BICDL1: variants seen among roughly 807,000 people sequenced by gnomAD.
BICDL1 encodes BICD family-like cargo adapter 1.
BICDL1 carries 20 observed loss-of-function variants against 76.8 expected under a neutral mutation model. The observed-to-expected ratio is 0.26, with a 90% CI of 0.18 to 0.38. BICDL1 has a LOEUF of 0.38. Ranked by LOEUF, BICDL1 falls within the 10% of genes least tolerant of loss-of-function variation. The pLI is 1.00. For synonymous variants in BICDL1, 383 were observed against 337.1 expected (o/e 1.14, Z -1.49); for missense variants, 700 against 798.6 (o/e 0.88, Z 1.49).
intron 1 of BICDL1, among the ~76,000 whole-genome samples, chr12:119,996,072 C>A (rs960267532): frequency 6.6e-6 from 1 of 151,924 alleles, no homozygotes; most frequent in Non-Finnish European, 1.5e-5. Flanking sequence ...ATGAGAAGGC[C>A]CTCCCTTGTC....
intron 2 of BICDL1, among the ~76,000 whole-genome samples, chr12:120,051,980 T>G (rs2393570): frequency 0.32 from 48,986 of 151,788 alleles, 9,955 homozygotes; most frequent in African/African-American, 0.57. Context: ...TCGCTGTGTT[T>G]CCCAGGCTGG....
chr12:120,002,604 C>G (rs890256466), intron 2 of BICDL1, among the ~76,000 whole-genome samples: 1 of 152,188 alleles, frequency 6.6e-6, no homozygotes, highest in African/African-American at 2.4e-5. Context: ...AAAGACTAAC[C>G]TGCATTCTAT....
At position 120,079,213 on chromosome 12, in the gene BICDL1, G is replaced by A. The variant is rs1217736920; in HGVS notation, c.1453-1674G>A. On this transcript the variant is annotated intron_variant, in intron 7 of 9. Transcript: ENST00000548673. This position sits in a 1 kb window ranked among gnomAD's most constrained non-coding sequence, Gnocchi z 4.3. The stretch of plus-strand genomic sequence containing the variant: ...CCATTGCTTATGGTGGCAACAGATT[G>A]TCCTTCTGTCCCTCTTCACTGTTGG... Among the ~76,000 whole-genome samples the A allele has an allele frequency of 2.0e-5, 3 of 152,212 alleles. No homozygotes were observed. The highest frequency in any genetic ancestry group is 4.8e-5 in the African/African-American group (2 of 41,454).
chr12:120,077,269 G>A (rs955242428), intron 7 of BICDL1, among the ~76,000 whole-genome samples: 3 of 152,206 alleles, frequency 2.0e-5, no homozygotes, highest in Admixed American at 6.5e-5. Context: ...ACCCAGACCC[G>A]AAGACTTGCT....
At chr12:120,035,211 C>T (rs1594145884) in intron 2 of BICDL1, among the ~76,000 whole-genome samples, 1 of 152,144 alleles carries the variant, frequency 6.6e-6, no homozygotes, top group Non-Finnish European at 1.5e-5. Context: ...TGGTGCACGC[C>T]TGTAATTCCA....
chr12:119,989,984 C>T lies in BICDL1; in HGVS notation c.116C>T (p.Ala39Val). The change falls in exon 1 of 10, where the codon GCC (alanine) becomes GTC (valine). Residue 39 changes from alanine (A) to valine (V), a missense_variant. This residue lies in a region of BICDL1 where 225 missense variants were observed against 199.6 expected (regional missense o/e 1.13). Coordinates refer to ENST00000548673, the MANE Select transcript of BICDL1 (RefSeq NM_001367886.1). ...GGGGACGCAGTCCGGAGTCCCGCCG[C>T]CGCCGCCGCCCTCATCTTCCCCGGG... Reference protein sequence around the residue: ...AAGDAVRSPAAAAALIFPGGS... With the variant: ...AAGDAVRSPAVAAALIFPGGS... The T allele has an allele frequency of 6.8e-7, 1 of 1,470,222 alleles. No individual in the cohort carries two copies. The highest frequency in any genetic ancestry group is 8.9e-7 in the Non-Finnish European group (1 of 1,125,054). 91.1% of individuals were successfully genotyped at this position (1,470,222 alleles called of 1,614,324 possible).
At chr12:120,019,693 C>T (rs1325842594) in intron 2 of BICDL1, among the ~76,000 whole-genome samples, 1 of 152,026 alleles carries the variant, frequency 6.6e-6, no homozygotes, top group Non-Finnish European at 1.5e-5. Flanking sequence ...CAACAGATCC[C>T]CCTGCCTCAG....
At chr12:120,026,294 T>C (rs1412763107) in intron 2 of BICDL1, among the ~76,000 whole-genome samples, 1 of 152,216 alleles carries the variant, frequency 6.6e-6, no homozygotes, top group East Asian at 1.9e-4. Context: ...TTAAATACTT[T>C]AGAAAAAATT....
chr12:120,018,618 A>C (rs1471211242), intron 2 of BICDL1, among the ~76,000 whole-genome samples: 3 of 152,014 alleles, frequency 2.0e-5, no homozygotes, highest in Non-Finnish European at 4.4e-5. Context: ...GGCTCTGTTG[A>C]TTACCAGTTG....
chr12:120,091,898 C>G (rs1418894157), intron 9 of BICDL1: 3 of 985,282 alleles, frequency 3.0e-6, no homozygotes, highest in Non-Finnish European at 3.6e-6. Flanking sequence ...GTCATCTGCC[C>G]TGGCCACAGG....
rs368547475 is a variant in BICDL1, at chr12:120,079,070, C to T, written c.1453-1817C>T. On this transcript the variant is annotated intron_variant, in intron 7 of 9. Coordinates refer to ENST00000548673, the MANE Select transcript of BICDL1 (RefSeq NM_001367886.1). This position sits in a 1 kb window ranked among gnomAD's most constrained non-coding sequence, Gnocchi z 4.3. The stretch of plus-strand genomic sequence containing the variant: ...GCAGGTGCTCCAGCCTGTTCTTCCC[C>T]GAGGCTTCCGCCCTCCTCACCCAGC... Among the ~76,000 whole-genome samples the T allele has an allele frequency of 6.6e-6, 1 of 152,230 alleles. No homozygotes were observed. Among genetic ancestry groups the T allele is most frequent in the East Asian group, 1.9e-4 (1 of 5,202 alleles).
At chr12:119,998,445 T>C (rs985034231) in intron 1 of BICDL1, 76 bp from the exon 2 acceptor site, 6 of 1,329,428 alleles carry the variant, frequency 4.5e-6, no homozygotes, top group Non-Finnish European at 5.1e-6. Flanking sequence ...AAAGAAAAGT[T>C]GGGACAGCGC....
chr12:120,016,673 G>A (rs1952069449), intron 2 of BICDL1, among the ~76,000 whole-genome samples: 1 of 151,828 alleles, frequency 6.6e-6, no homozygotes, highest in South Asian at 2.1e-4. Flanking sequence ...GTCCATCTTA[G>A]CCTCCCAAAG....
At chr12:119,999,522 AAAG>A (rs1306569575) in intron 2 of BICDL1, among the ~76,000 whole-genome samples, 1 of 152,208 alleles carries the variant, frequency 6.6e-6, no homozygotes, top group Non-Finnish European at 1.5e-5. Context: ...TTAAATATGA[AAAG>A]AAATGTGTAT....
chr12:119,998,480 G>A, intron 1 of BICDL1, 41 bp from the exon 2 acceptor site: 1 of 1,523,180 alleles, frequency 6.6e-7, no homozygotes, highest in Non-Finnish European at 8.8e-7. Context: ...AAAGGCTGTG[G>A]AATTTTTATC....
intron 2 of BICDL1, among the ~76,000 whole-genome samples, chr12:120,006,709 A>G (rs1239620738): frequency 1.3e-5 from 2 of 152,188 alleles, no homozygotes; most frequent in African/African-American, 2.4e-5. Flanking sequence ...GAAGGCTGCT[A>G]TGACTGGGGT....
chr12:120,036,995 C>T (rs1952542329), intron 2 of BICDL1, among the ~76,000 whole-genome samples: 1 of 152,160 alleles, frequency 6.6e-6, no homozygotes, highest in East Asian at 1.9e-4. Context: ...GATTCACTTT[C>T]CAGAACTTAA....
At chr12:120,018,575 G>A (rs1409079126) in intron 2 of BICDL1, among the ~76,000 whole-genome samples, 2 of 152,150 alleles carry the variant, frequency 1.3e-5, no homozygotes, top group Non-Finnish European at 2.9e-5. Context: ...AATGAATGCA[G>A]GTTTTGGCAC....
intron 2 of BICDL1, among the ~76,000 whole-genome samples, chr12:120,033,049 A>G (rs1952456545): frequency 6.6e-6 from 1 of 151,802 alleles, no homozygotes; most frequent in African/African-American, 2.4e-5. Context: ...CTGGCCTATA[A>G]TTTTTTTAAG....
Sources: gnomAD v4.1 joint callset for allele counts (sites outside exome capture counted in the v4.1 genomes callset) on GRCh38, gnomAD v4.1.1 for gene constraint, gnomAD v4.1.1 regional missense constraint, Gnocchi (gnomAD v3.1) non-coding constraint, MANE v1.5 for transcripts, NCBI Gene and HGNC (gene_info 2026-07-23, HGNC 2026-07-21) for gene names.